Variants in SNX13 observed in about 807,000 individuals in gnomAD.
SNX13 encodes sorting nexin 13, also known as sorting nexin-13.
Under a neutral mutation model 133.6 loss-of-function variants are expected in SNX13, and 45 were observed. The observed-to-expected ratio is 0.34, with a 90% CI of 0.27 to 0.43. SNX13 has a LOEUF of 0.43. Ranked by LOEUF, SNX13 falls within the 20% of genes least tolerant of loss-of-function variation. SNX13 has a pLI of 1.00. For missense variants in SNX13, 1,032 were observed against 1,145.1 expected, an observed-to-expected ratio of 0.90 and a Z score of 1.43; for synonymous variants, 414 against 373.9, an observed-to-expected ratio of 1.11 and a Z score of -1.24.
At chr7:17,920,812 C>A (rs1800047047) in intron 1 of SNX13, among the ~76,000 whole-genome samples, 1 of 152,146 alleles carries the variant, frequency 6.6e-6, no homozygotes, top group Admixed American at 6.5e-5. Context: ...AAGTCTATAT[C>A]ATTTCTTGTA....
At chr7:17,939,464 T>G (rs1489047577) in intron 1 of SNX13, among the ~76,000 whole-genome samples, 3 of 152,228 alleles carry the variant, frequency 2.0e-5, no homozygotes, top group Non-Finnish European at 4.4e-5. Flanking sequence ...AGTACCTAGT[T>G]GCACCGATTT....
At chr7:17,910,336 T>C (rs748148320) in intron 1 of SNX13, among the ~76,000 whole-genome samples, 1 of 152,188 alleles carries the variant, frequency 6.6e-6, no homozygotes, top group African/African-American at 2.4e-5. Context: ...TAAAACTGGT[T>C]GAAAAATCTG....
At chr7:17,836,979 G>A (rs1156570140) in intron 13 of SNX13, among the ~76,000 whole-genome samples, 1 of 151,794 alleles carries the variant, frequency 6.6e-6, no homozygotes, top group Non-Finnish European at 1.5e-5. Flanking sequence ...TTTCTGAACT[G>A]CCTGCAGCCT....
rs546170839 is a variant in SNX13 at position 17,916,648 on chromosome 7, T to C, written c.13-19202A>G. On this transcript the variant is annotated intron_variant, in intron 1 of 25. Coordinates refer to ENST00000428135, the MANE Select transcript of SNX13 (RefSeq NM_015132.5). ...AACAGATCGATAACAAGTTCCAAAATTGAATCAGTAACAAAAGAAGAACGT... is the reference window on the plus strand; with the variant it reads ...AACAGATCGATAACAAGTTCCAAAACTGAATCAGTAACAAAAGAAGAACGT... Among the ~76,000 whole-genome samples, 9 of 151,640 alleles carry C rather than the reference T, an allele frequency of 5.9e-5. No individual in the cohort carries two copies. The East Asian group carries it at 1.2e-3, about 20-fold the overall frequency.
chr7:17,816,724 T>C (rs1786707381), intron 18 of SNX13, among the ~76,000 whole-genome samples: 2 of 152,066 alleles, frequency 1.3e-5, no homozygotes, highest in Non-Finnish European at 2.9e-5. Flanking sequence ...TTGCAATATA[T>C]TACATGAAAA....
intron 20 of SNX13, among the ~76,000 whole-genome samples, chr7:17,805,254 T>TGCGCGCGCGCGAGC (rs1554304327): frequency 7.6e-6 from 1 of 132,440 alleles, no homozygotes; most frequent in Non-Finnish European, 1.6e-5. Context: ...TGTGTGTGCG[T>TGCGCGCGCGCGAGC]GCGCGCGCGC....
At chr7:17,800,234 T>A (rs1042916052) in intron 22 of SNX13, among the ~76,000 whole-genome samples, 2 of 151,752 alleles carry the variant, frequency 1.3e-5, no homozygotes, top group African/African-American at 2.4e-5. Context: ...ATAATAAACA[T>A]CCTAAAATAA....
chr7:17,902,244 T>G (rs985331853), intron 1 of SNX13, among the ~76,000 whole-genome samples: 2 of 10,922 alleles, frequency 1.8e-4, no homozygotes, highest in Non-Finnish European at 1.8e-4. Flanking sequence ...CTGTCATGGT[T>G]TTTTTTTTTT....
intron 9 of SNX13, among the ~76,000 whole-genome samples, chr7:17,852,524 G>GT (rs796263668): frequency 2.2e-4 from 33 of 152,290 alleles, no homozygotes; most frequent in African/African-American, 7.5e-4. Flanking sequence ...ACTTGTAAAA[G>GT]TTTATTGGAG....
At chr7:17,883,617 T>C (rs1795621020) in intron 5 of SNX13, among the ~76,000 whole-genome samples, 1 of 152,144 alleles carries the variant, frequency 6.6e-6, no homozygotes, top group Admixed American at 6.6e-5. Context: ...AATGTGCACG[T>C]TTGTTACACA....
rs147240754 is a variant in SNX13 at position 17,909,367 on chromosome 7, T to C, written c.13-11921A>G. On this transcript the variant is annotated intron_variant, in intron 1 of 25. Transcript: ENST00000428135. ...ATTACTGGGTATATACCCAAAGGAATAGAAATCATTCTATTATAAAGATAC... is the reference window on the plus strand; with the variant it reads ...ATTACTGGGTATATACCCAAAGGAACAGAAATCATTCTATTATAAAGATAC... Among the ~76,000 whole-genome samples the C allele has an allele frequency of 4.9e-3, 749 of 152,294 alleles. 5 individuals carry two copies. Among genetic ancestry groups the C allele is most frequent in the African/African-American group, 0.017 (721 of 41,550 alleles).
chr7:17,897,545 G>A, intron 1 of SNX13, 99 bp from the exon 2 acceptor site: 1 of 600,744 alleles, frequency 1.7e-6, no homozygotes, highest in South Asian at 4.0e-5. Context: ...ATTTCTTCTT[G>A]TAAACATTCA....
intron 9 of SNX13, 62 bp from the exon 10 acceptor site, chr7:17,851,026 A>G (rs1791137484): frequency 6.7e-7 from 1 of 1,501,138 alleles, no homozygotes; most frequent in Non-Finnish European, 9.0e-7. Context: ...GGAAAACTGA[A>G]TCTTGAGTGC....
At chr7:17,882,792 C>A in intron 5 of SNX13, 2 of 1,234,238 alleles carry the variant, frequency 1.6e-6, no homozygotes, top group South Asian at 1.4e-5. Flanking sequence ...ACCACAATTC[C>A]CTGTAATTTC....
At chr7:17,907,892 T>A (rs1162057151) in intron 1 of SNX13, among the ~76,000 whole-genome samples, 1 of 152,194 alleles carries the variant, frequency 6.6e-6, no homozygotes, top group Non-Finnish European at 1.5e-5. Context: ...TATGCAATCC[T>A]TGAGTTTTCT....
At chr7:17,824,260 G>A (rs2128304636) in intron 17 of SNX13, among the ~76,000 whole-genome samples, 1 of 152,092 alleles carries the variant, frequency 6.6e-6, no homozygotes, top group Admixed American at 6.5e-5. Flanking sequence ...TTTAAAGCAA[G>A]ATTTCTCAAT....
At chr7:17,882,871 G>C in intron 5 of SNX13, 1 of 1,283,128 alleles carries the variant, frequency 7.8e-7, no homozygotes. Flanking sequence ...ACAAAACAGG[G>C]TTCCAGGAAG....
At chr7:17,925,721 T>C (rs574157666) in intron 1 of SNX13, among the ~76,000 whole-genome samples, 1 of 152,106 alleles carries the variant, frequency 6.6e-6, no homozygotes, top group African/African-American at 2.4e-5. Flanking sequence ...GCCAGGGATG[T>C]TGCTAAGCAT....
At chr7:17,831,233 GAATTGGATGACTACCTACA>G in intron 15 of SNX13, 1 of 983,884 alleles carries the variant, frequency 1.0e-6, no homozygotes, top group Non-Finnish European at 1.2e-6. Context: ...ATTTAATCAA[GAATTGGATGACTACCTACA>G]AATATTAGAA....
Sources: gnomAD v4.1 joint callset for allele counts (sites outside exome capture counted in the v4.1 genomes callset) on GRCh38, gnomAD v4.1.1 for gene constraint, MANE v1.5 for transcripts, NCBI Gene and HGNC (gene_info 2026-07-23, HGNC 2026-07-21) for gene names.